MAS1: variants seen among roughly 807,000 people sequenced by gnomAD.
MAS1 encodes proto-oncogene Mas.
For synonymous variants in MAS1, 163 were observed against 164.2 expected (o/e 0.99, Z 0.05); for missense variants, 387 against 409.7 (o/e 0.94, Z 0.48).
In MAS1 at chr6:159,907,928, G is replaced by T. The variant is rs149048594; in HGVS notation, c.973G>T (p.Val325Phe). ...NCNTVTVETV[V>F] ...TAATACGGTCACAGTTGAGACTGTC[G>T]TCTAAGAACTGTGAGGGAAGTTGTG... The change falls in exon 3 of 3, where the codon GTC (valine) becomes TTC (phenylalanine). Residue 325 changes from valine to phenylalanine, a missense_variant. Physicochemically the swap from Val to Phe is conservative, Grantham distance 50. Coordinates refer to ENST00000674077, the MANE Select transcript of MAS1 (RefSeq NM_002377.4). 1.1e-5 allele frequency: 18 copies of T among 1,583,802 alleles called. No individual in the cohort carries two copies. The highest frequency in any genetic ancestry group is 1.5e-5 in the Non-Finnish European group (18 of 1,165,154).
At chr6:159,900,002 C>A (rs111786772) in intron 2 of MAS1, among the ~76,000 whole-genome samples, 1 of 151,962 alleles carries the variant, frequency 6.6e-6, no homozygotes, top group African/African-American at 2.4e-5. Context: ...GACGAGATCG[C>A]GACACTGCAG....
At position 159,915,630 on chromosome 6, in the gene MAS1, A is replaced by G. The variant is rs906504401; in HGVS notation, c.*7697A>G. The G allele has an allele frequency of 6.6e-6, 1 of 152,268 alleles. No individual in the cohort carries two copies. 9.4% of individuals were successfully genotyped at this position (152,268 alleles called of 1,614,324 possible). Reference sequence around the variant, plus strand: ...AACAGGACTGGAAGCCTGCCTACTTAGTAGCTTGGCAAGTGTCAACAAGTT... The same window carrying G: ...AACAGGACTGGAAGCCTGCCTACTTGGTAGCTTGGCAAGTGTCAACAAGTT... On this transcript the variant is annotated 3_prime_UTR_variant, in exon 3 of 3. Coordinates refer to ENST00000674077, the MANE Select transcript of MAS1 (RefSeq NM_002377.4).
At chr6:159,891,946 A>T (rs1782704243) in intron 1 of MAS1, among the ~76,000 whole-genome samples, 1 of 152,038 alleles carries the variant, frequency 6.6e-6, no homozygotes, top group East Asian at 1.9e-4. Flanking sequence ...ATATTATAGG[A>T]TGTTTAGCAG....
chr6:159,902,935 C>T (rs1782839416), intron 2 of MAS1, among the ~76,000 whole-genome samples: 1 of 152,196 alleles, frequency 6.6e-6, no homozygotes, highest in African/African-American at 2.4e-5. Context: ...ATTCTTCCAG[C>T]CCTGTGGCTC....
chr6:159,898,752 TCTC>T (rs1583211862), intron 1 of MAS1, among the ~76,000 whole-genome samples: 1 of 135,456 alleles, frequency 7.4e-6, no homozygotes, highest in South Asian at 2.5e-4. Context: ...CCTCGTTCCT[TCTC>T]CTTCTCCCTG....
rs1004147925 is a variant in MAS1 at position 159,913,768 on chromosome 6, G to C, written c.*5835G>C. Reference sequence around the variant, plus strand: ...TGGCATGTTGTTGAAATTATAATGAGTTTTAGTAAAGCAAAATTAAAACAA... The same window carrying C: ...TGGCATGTTGTTGAAATTATAATGACTTTTAGTAAAGCAAAATTAAAACAA... On this transcript the variant is annotated 3_prime_UTR_variant, in exon 3 of 3. Coordinates refer to ENST00000674077, the MANE Select transcript of MAS1 (RefSeq NM_002377.4). 1 of 152,168 alleles carries C rather than the reference G, an allele frequency of 6.6e-6. No homozygotes were observed. Among genetic ancestry groups the C allele is most frequent in the South Asian group, 2.1e-4 (1 of 4,826 alleles). 9.4% of individuals were successfully genotyped at this position (152,168 alleles called of 1,614,324 possible).
chr6:159,902,757 G>A (rs567093939), intron 2 of MAS1, among the ~76,000 whole-genome samples: 139 of 152,174 alleles, frequency 9.1e-4, no homozygotes, highest in Middle Eastern at 6.8e-3. Context: ...TCTGAAGTGC[G>A]TGCCGGCCAC....
In MAS1 at chr6:159,911,997, A is replaced by T. The variant is rs1583216840; in HGVS notation, c.*4064A>T. 6.6e-6 allele frequency: 1 copy of T among 152,296 alleles called. No homozygotes were observed. The highest frequency in any genetic ancestry group is 1.5e-5 in the Non-Finnish European group (1 of 68,108). 9.4% of individuals were successfully genotyped at this position (152,296 alleles called of 1,614,324 possible). On this transcript the variant is annotated 3_prime_UTR_variant, in exon 3 of 3. Transcript: ENST00000674077. ...CTCTCTGTCCTGCACCATCAATTTC[A>T]GTCCAGGATAACGGAGGACAGAATT...
upstream of MAS1, among the ~76,000 whole-genome samples, chr6:159,890,582 G>A (rs555246550): frequency 2.0e-5 from 3 of 152,280 alleles, no homozygotes; most frequent in South Asian, 6.2e-4. Flanking sequence ...GTCTCTCTGG[G>A]TCTATACATA....
At chr6:159,896,752 G>C (rs544472303) in intron 1 of MAS1, among the ~76,000 whole-genome samples, 3 of 152,196 alleles carry the variant, frequency 2.0e-5, no homozygotes, top group African/African-American at 7.2e-5. Context: ...ATCAAGACGG[G>C]GGAATTGCAA....
rs1405579851 is a variant in MAS1, at chr6:159,891,099, G to A, written c.-278G>A. ...GATGTGAAGGGGCAGCCAACCTGTT[G>A]GCCACGTCTGACCCTTCCTGAGCAA... On this transcript the variant is annotated 5_prime_UTR_variant, in exon 1 of 3. Transcript: ENST00000674077. Among the ~76,000 whole-genome samples the A allele has an allele frequency of 1.3e-5, 2 of 152,192 alleles. No homozygotes were observed. The highest frequency in any genetic ancestry group is 1.5e-5 in the Non-Finnish European group (1 of 68,036).
At chr6:159,902,856 C>T (rs1414916153) in intron 2 of MAS1, among the ~76,000 whole-genome samples, 1 of 152,174 alleles carries the variant, frequency 6.6e-6, no homozygotes, top group Non-Finnish European at 1.5e-5. Context: ...ACCTGGATTA[C>T]AGCCACGTTT....
intron 1 of MAS1, among the ~76,000 whole-genome samples, chr6:159,894,473 G>T (rs888300700): frequency 6.6e-6 from 1 of 151,886 alleles, no homozygotes; most frequent in Non-Finnish European, 1.5e-5. Flanking sequence ...AGGTGCAAAG[G>T]GCAGTGTAAG....
intron 1 of MAS1, among the ~76,000 whole-genome samples, chr6:159,897,554 G>T (rs1782767943): frequency 6.6e-6 from 1 of 152,136 alleles, no homozygotes; most frequent in Admixed American, 6.5e-5. Context: ...GGCAAGAAGT[G>T]GGTTTGTTTT....
At chr6:159,901,192 T>TGTA in intron 2 of MAS1, among the ~76,000 whole-genome samples, 1 of 152,196 alleles carries the variant, frequency 6.6e-6, no homozygotes, top group South Asian at 2.1e-4. Context: ...CTTAGGACCT[T>TGTA]ATTTAGCCAT....
In MAS1 at chr6:159,909,976, T is replaced by G. The variant is rs1782946671; in HGVS notation, c.*2043T>G. On this transcript the variant is annotated 3_prime_UTR_variant, in exon 3 of 3. Coordinates refer to ENST00000674077, the MANE Select transcript of MAS1 (RefSeq NM_002377.4). ...TGGCAGGGTTATAAAGACTAATTTC[T>G]TTCTGTCTTCCCCCAAACCCATTCC... The G allele has an allele frequency of 6.6e-6, 1 of 152,216 alleles. No individual in the cohort carries two copies. The highest frequency in any genetic ancestry group is 6.5e-5 in the Admixed American group (1 of 15,282). The allele number at this position is 152,216 out of a possible 1,614,324, so 9.4% of individuals were successfully genotyped here.
rs377300485 is a variant in MAS1, at chr6:159,913,779, G to A, written c.*5846G>A. ...TGAAATTATAATGAGTTTTAGTAAA[G>A]CAAAATTAAAACAATTTTCATGATT... On this transcript the variant is annotated 3_prime_UTR_variant, in exon 3 of 3. Transcript: ENST00000674077. 12 of 152,272 alleles carry A rather than the reference G, an allele frequency of 7.9e-5. No individual in the cohort carries two copies. Among genetic ancestry groups the A allele is most frequent in the Admixed American group, 5.9e-4 (9 of 15,298 alleles). 9.4% of individuals were successfully genotyped at this position (152,272 alleles called of 1,614,324 possible).
In MAS1 at chr6:159,914,212, G is replaced by C. The variant is rs1782996166; in HGVS notation, c.*6279G>C. 2.0e-5 allele frequency: 3 copies of C among 152,134 alleles called. No individual in the cohort carries two copies. Among genetic ancestry groups the C allele is most frequent in the Admixed American group, 2.0e-4 (3 of 15,268 alleles). The allele number at this position is 152,134 out of a possible 1,614,324, so 9.4% of individuals were successfully genotyped here. Reference sequence around the variant, plus strand: ...TCTGAATTCTCTGTCAGACATTTCGGAGATCTTCAATTCTTCTGGGTCCAT... The same window carrying C: ...TCTGAATTCTCTGTCAGACATTTCGCAGATCTTCAATTCTTCTGGGTCCAT... On this transcript the variant is annotated 3_prime_UTR_variant, in exon 3 of 3. Transcript: ENST00000674077.
chr6:159,893,691 C>T (rs112867298), intron 1 of MAS1, among the ~76,000 whole-genome samples: 27 of 152,224 alleles, frequency 1.8e-4, no homozygotes, highest in Middle Eastern at 3.4e-3. Context: ...CATAGAAATA[C>T]AGCCATAGGT....
Sources: gnomAD v4.1 joint callset for allele counts (sites outside exome capture counted in the v4.1 genomes callset) on GRCh38, gnomAD v4.1.1 for gene constraint, MANE v1.5 for transcripts, NCBI Gene and HGNC (gene_info 2026-07-23, HGNC 2026-07-21) for gene names.